Variants in SYMPK observed in about 807,000 individuals in gnomAD.
SYMPK encodes symplekin.
A neutral mutation model predicts 136.4 loss-of-function variants in SYMPK; 49 were observed. That is an observed-to-expected ratio of 0.36 (90% CI 0.29 to 0.46). SYMPK has a LOEUF of 0.46. Ranked by LOEUF, SYMPK falls within the 20% of genes least tolerant of loss-of-function variation. The probability of loss-of-function intolerance (pLI) is 1.00; values close to 1 mark genes in which losing one functional copy is unlikely to be tolerated. For missense variants in SYMPK, 1,365 were observed against 1,690.0 expected (o/e 0.81, Z 3.37); for synonymous variants, 766 against 713.0 (o/e 1.07, Z -1.19).
intron 18 of SYMPK, 120 bp from the exon 19 acceptor site, chr19:45,823,995 G>T (rs1261097508): frequency 8.9e-6 from 5 of 559,132 alleles, no homozygotes; most frequent in African/African-American, 1.9e-5. Context: ...AGGTGACAGG[G>T]TTTGGAGGGC....
chr19:45,853,046 T>C (rs563284047), intron 3 of SYMPK, among the ~76,000 whole-genome samples: 1 of 152,184 alleles, frequency 6.6e-6, no homozygotes, highest in Non-Finnish European at 1.5e-5. Context: ...CCCATGGACA[T>C]CCTCCAATAA....
chr19:45,827,421 T>G, intron 16 of SYMPK, 89 bp downstream of exon 16: 2 of 830,864 alleles, frequency 2.4e-6, no homozygotes, highest in Non-Finnish European at 4.1e-6. Context: ...TGCAAGGGAG[T>G]GTGGAAGACG....
At chr19:45,827,776 A>G in intron 15 of SYMPK, 61 bp downstream of exon 15, 2 of 1,559,574 alleles carry the variant, frequency 1.3e-6, no homozygotes, top group Non-Finnish European at 1.8e-6. Context: ...TGCCCTTCAG[A>G]CCCCTCAGGG....
rs1410005649 is a variant in SYMPK, at chr19:45,844,140, G to C, written c.737C>G (p.Pro246Arg). Residue 246 changes from proline (P) to arginine (R), a missense_variant, in exon 8 of 27, where the codon CCT (proline) becomes CGT (arginine). Pro to Arg is a moderately radical substitution (Grantham distance 103). Transcript: ENST00000245934. ...LEQLLKFMVHPAISSINLTTA... is the reference protein window; with the variant it reads ...LEQLLKFMVHRAISSINLTTA... Reference sequence around the variant, plus strand: ...GGTCAGGTTGATGGAGGAGATGGCAGGGTGCACCATGAACTTAAGCAGCTG... The same window carrying C: ...GGTCAGGTTGATGGAGGAGATGGCACGGTGCACCATGAACTTAAGCAGCTG... The C allele has an allele frequency of 6.2e-7, 1 of 1,612,362 alleles. No homozygotes were observed. Among genetic ancestry groups the C allele is most frequent in the Non-Finnish European group, 8.5e-7 (1 of 1,179,342 alleles).
chr19:45,826,898 G>C (rs1049148821), intron 16 of SYMPK, among the ~76,000 whole-genome samples: 1 of 152,220 alleles, frequency 6.6e-6, no homozygotes, highest in Non-Finnish European at 1.5e-5. Flanking sequence ...GCAACGATGG[G>C]TCAAGGGCGC....
intron 8 of SYMPK, among the ~76,000 whole-genome samples, chr19:45,843,709 G>A (rs1971496538): frequency 6.6e-6 from 1 of 152,088 alleles, no homozygotes; most frequent in South Asian, 2.1e-4. Flanking sequence ...CACTTTAGGA[G>A]GCCGAGGCAG....
At chr19:45,826,757 T>A (rs540967543) in intron 16 of SYMPK, among the ~76,000 whole-genome samples, 89 of 152,046 alleles carry the variant, frequency 5.9e-4, no homozygotes, top group African/African-American at 2.1e-3. Context: ...GAGGGAAGGG[T>A]CTGGTCCTGG....
rs757455269 is a variant in SYMPK, at chr19:45,854,214, C to T, written c.132G>A (p.Ala44=). ...TGATCTTTGAGTCATTGGTGATCAG[C>T]GCCGCCTGGTTCAGAAGATCCACCA... The part of the protein sequence containing the change: ...ERVVDLLNQA[A]LITNDSKITV... Residue 44 remains alanine, a synonymous_variant, in exon 3 of 27, where the codon GCG becomes GCA. Coordinates refer to ENST00000245934, the MANE Select transcript of SYMPK (RefSeq NM_004819.3). 52 of 1,614,046 alleles carry T rather than the reference C, an allele frequency of 3.2e-5. No individual in the cohort carries two copies. The highest frequency in any genetic ancestry group is 4.2e-5 in the Non-Finnish European group (49 of 1,180,030).
intron 22 of SYMPK, chr19:45,819,016 G>A (rs937078958): frequency 3.3e-5 from 5 of 151,298 alleles, no homozygotes; most frequent in Non-Finnish European, 5.9e-5. Flanking sequence ...GGGGGGCGTA[G>A]ACAGGTGGGG....
rs748138617 is a variant in SYMPK, at chr19:45,831,593, G to T, written c.1394-5C>A. 6.3e-7 allele frequency: 1 copy of T among 1,579,116 alleles called. No homozygotes were observed. The highest frequency in any genetic ancestry group is 8.6e-7 in the Non-Finnish European group (1 of 1,161,914). ...ACTGTTTGGTCTGCTCTACACCTGA[G>T]GGGGAGGCAGCAAACAGACACCCAG... is the stretch of plus-strand genomic sequence containing the variant. On this transcript the variant is annotated splice_polypyrimidine_tract_variant and splice_region_variant and intron_variant, in intron 11 of 26. Coordinates refer to ENST00000245934, the MANE Select transcript of SYMPK (RefSeq NM_004819.3).
At chr19:45,857,704 G>C (rs1026605142) in intron 1 of SYMPK, among the ~76,000 whole-genome samples, 2 of 151,732 alleles carry the variant, frequency 1.3e-5, no homozygotes, top group African/African-American at 4.8e-5. Flanking sequence ...TGTTAGCCAG[G>C]ATGGTCTCGA....
At chr19:45,817,085 A>T (rs1216949258) in intron 23 of SYMPK, 111 bp from the exon 24 acceptor site, 1 of 1,119,256 alleles carries the variant, frequency 8.9e-7, no homozygotes, top group Non-Finnish European at 1.3e-6. Flanking sequence ...ACCATCCAAG[A>T]TTCCTCTGGA....
intron 13 of SYMPK, among the ~76,000 whole-genome samples, chr19:45,829,741 T>G (rs1262086775): frequency 6.6e-6 from 1 of 152,160 alleles, no homozygotes; most frequent in Non-Finnish European, 1.5e-5. Flanking sequence ...ATAGTAACAG[T>G]AAGAACGTTA....
chr19:45,859,287 AC>A (rs1399178650), intron 1 of SYMPK, among the ~76,000 whole-genome samples: 3 of 143,880 alleles, frequency 2.1e-5, no homozygotes, highest in Non-Finnish European at 4.6e-5. Context: ...ACTGCACTTG[AC>A]AAGTCTTTAA....
At chr19:45,825,682 CGCT>C (rs1414876879) in intron 17 of SYMPK, among the ~76,000 whole-genome samples, 3 of 152,224 alleles carry the variant, frequency 2.0e-5, no homozygotes. Context: ...GGCCCCGGCC[CGCT>C]GCTGCTCTGC....
intron 13 of SYMPK, among the ~76,000 whole-genome samples, chr19:45,829,424 A>G (rs1040186033): frequency 1.3e-5 from 2 of 152,120 alleles, no homozygotes; most frequent in African/African-American, 4.8e-5. Context: ...CAGAATAAAA[A>G]TGAGTTTCTA....
At chr19:45,850,790 G>A (rs1200131546) in intron 5 of SYMPK, among the ~76,000 whole-genome samples, 1 of 152,104 alleles carries the variant, frequency 6.6e-6, no homozygotes, top group Non-Finnish European at 1.5e-5. Flanking sequence ...CGTCCTCACA[G>A]AGCTGATATT....
In SYMPK at chr19:45,829,217, G is replaced by A. The variant is rs772614084; in HGVS notation, c.1750-12C>T. On this transcript the variant is annotated splice_polypyrimidine_tract_variant and intron_variant, in intron 13 of 26. Coordinates refer to ENST00000245934, the MANE Select transcript of SYMPK (RefSeq NM_004819.3). ...ATCTTTATGCGGACCTGGTGGGAGG[G>A]TGAGCCAGCATGTCAGTGTAGGGTG... 9.3e-6 allele frequency: 15 copies of A among 1,609,718 alleles called. No homozygotes were observed. In the South Asian group the frequency reaches 1.5e-4, roughly 17 times the overall value.
At chr19:45,817,417 CTTTTTTTTTTTT>C (rs559430104) in intron 23 of SYMPK, among the ~76,000 whole-genome samples, 3,746 of 108,466 alleles carry the variant, frequency 0.035, 181 homozygotes, top group African/African-American at 0.11. Context: ...TTTTTGTTCT[CTTTTTTTTTTTT>C]TTTTTTTTTT....
Sources: allele counts gnomAD v4.1 joint callset (sites outside exome capture counted in the v4.1 genomes callset), GRCh38; gene constraint gnomAD v4.1.1; transcripts MANE v1.5; gene names NCBI Gene and HGNC (gene_info 2026-07-23, HGNC 2026-07-21).